The following PPP2R2C variants were observed in gnomAD, a reference collection of about 807,000 sequenced individuals.
The protein encoded by PPP2R2C is protein phosphatase 2, regulatory subunit B, gamma.
PPP2R2C carries 10 observed loss-of-function variants against 45.3 expected under a neutral mutation model. That is an observed-to-expected ratio of 0.22 (90% confidence interval 0.14 to 0.37). The LOEUF (loss-of-function observed/expected upper bound fraction) is 0.37, where lower values mean the gene tolerates loss of function less well. PPP2R2C is among the 10% of genes least tolerant of loss of function. The pLI is 1.00. For synonymous variants in PPP2R2C, 257 were observed against 245.4 expected (o/e 1.05, Z -0.44); for missense variants, 308 against 619.7 (o/e 0.50, Z 5.34).
chr4:6,365,353 A>G (rs1560483908), intron 5 of PPP2R2C, among the ~76,000 whole-genome samples: 1 of 152,176 alleles, frequency 6.6e-6, no homozygotes, highest in Non-Finnish European at 1.5e-5. Flanking sequence ...CTTCTCTGTA[A>G]ATTAGCACCA....
At chr4:6,551,368 G>A (rs771743228) in intron 1 of PPP2R2C, among the ~76,000 whole-genome samples, 3 of 152,212 alleles carry the variant, frequency 2.0e-5, no homozygotes, top group East Asian at 1.9e-4. Flanking sequence ...GTGGCATGGA[G>A]AACAAAGCCA....
At chr4:6,481,928 G>A (rs181561330) in intron 2 of PPP2R2C, among the ~76,000 whole-genome samples, 522 of 135,884 alleles carry the variant, frequency 3.8e-3, no homozygotes, top group Non-Finnish European at 6.0e-3. Context: ...GCAGTGAGCC[G>A]AGATCGCACC....
intron 2 of PPP2R2C, among the ~76,000 whole-genome samples, chr4:6,533,958 AAC>A (rs200538032): frequency 0.061 from 9,286 of 151,500 alleles, 964 homozygotes; most frequent in African/African-American, 0.21. Context: ...ACCACACAGC[AAC>A]ACACACACAC....
In PPP2R2C at chr4:6,330,613, C is replaced by T. The variant is rs1372774663; in HGVS notation, c.961-1260G>A. On this transcript the variant is annotated intron_variant, in intron 7 of 8. Transcript: ENST00000382599. The surrounding 1 kb of genome is among the most constrained non-coding windows in gnomAD (Gnocchi z 7.0). ...TAGTCACTCTCCCCTGGGTCACCAG[C>T]CTGCCCGCCTGCTCTGCAGATTTAG... is the stretch of plus-strand genomic sequence containing the variant. Among the ~76,000 whole-genome samples the T allele has an allele frequency of 6.6e-6, 1 of 152,162 alleles. No homozygotes were observed. The highest frequency in any genetic ancestry group is 1.5e-5 in the Non-Finnish European group (1 of 68,022).
chr4:6,455,636 C>T lies in PPP2R2C; in HGVS notation c.70+16524G>A, dbSNP rs183574587. 2.7e-3 allele frequency among the ~76,000 whole-genome samples: 406 copies of T among 152,266 alleles called. 6 individuals are homozygous for T. In the Middle Eastern group the frequency reaches 0.061, roughly 23 times the overall value. ...ACCTCTGCTGGAAGTGCTCACACTC[C>T]CTCTGAGCCCCCTACTCTCCTTTCC... On this transcript the variant is annotated intron_variant, in intron 1 of 8. Transcript: ENST00000382599.
At chr4:6,512,539 G>GTGA in intron 2 of PPP2R2C, among the ~76,000 whole-genome samples, 1 of 58,348 alleles carries the variant, frequency 1.7e-5, no homozygotes, top group East Asian at 2.7e-3. Context: ...GATGGTGATG[G>GTGA]TGGTGATGGT....
At chr4:6,438,027 AAAG>A (rs1389265756) in intron 1 of PPP2R2C, among the ~76,000 whole-genome samples, 1 of 152,222 alleles carries the variant, frequency 6.6e-6, no homozygotes, top group Non-Finnish European at 1.5e-5. Flanking sequence ...TCTGGAGGGC[AAAG>A]AAGAGTGGTT....
chr4:6,528,259 G>A (rs559428962), intron 2 of PPP2R2C, among the ~76,000 whole-genome samples: 276 of 152,366 alleles, frequency 1.8e-3, no homozygotes, highest in Non-Finnish European at 3.2e-3. Context: ...CTTGTGCGGG[G>A]AGCTGGGGTG....
chr4:6,373,935 A>G (rs1433340650), intron 4 of PPP2R2C, among the ~76,000 whole-genome samples: 2 of 144,618 alleles, frequency 1.4e-5, no homozygotes, highest in Non-Finnish European at 3.1e-5. Context: ...GTGTGCACGC[A>G]GCACCGGTGT....
At chr4:6,390,944 G>A (rs1679481081) in intron 1 of PPP2R2C, among the ~76,000 whole-genome samples, 1 of 152,206 alleles carries the variant, frequency 6.6e-6, no homozygotes, top group Admixed American at 6.5e-5. Flanking sequence ...GAACTTGGTG[G>A]AGATGGGGCA....
In PPP2R2C at chr4:6,330,535, C is replaced by G. The variant is rs916077800; in HGVS notation, c.961-1182G>C. Among the ~76,000 whole-genome samples the G allele has an allele frequency of 6.6e-6, 1 of 152,148 alleles. No homozygotes were observed. Among genetic ancestry groups the G allele is most frequent in the Non-Finnish European group, 1.5e-5 (1 of 68,028 alleles). Reference sequence around the variant, plus strand: ...GTCGAAGGCCCTGATAGAACAAAGACAGACCTCCCTGAGGACCGGGGGATT... The same window carrying G: ...GTCGAAGGCCCTGATAGAACAAAGAGAGACCTCCCTGAGGACCGGGGGATT... On this transcript the variant is annotated intron_variant, in intron 7 of 8. Coordinates refer to ENST00000382599, the MANE Select transcript of PPP2R2C (RefSeq NM_020416.4). This position sits in a 1 kb window ranked among gnomAD's most constrained non-coding sequence, Gnocchi z 7.0.
At chr4:6,506,743 T>A (rs1723248258) in intron 2 of PPP2R2C, among the ~76,000 whole-genome samples, 1 of 152,212 alleles carries the variant, frequency 6.6e-6, no homozygotes, top group Non-Finnish European at 1.5e-5. Context: ...TTGGTGTTCC[T>A]CATGAAGTTG....
chr4:6,526,252 A>G (rs986428518), intron 2 of PPP2R2C, among the ~76,000 whole-genome samples: 9 of 152,214 alleles, frequency 5.9e-5, no homozygotes, highest in African/African-American at 7.2e-5. Flanking sequence ...GAATACATAT[A>G]CTTAGCTAAC....
At chr4:6,529,235 G>C (rs1046619631) in intron 2 of PPP2R2C, among the ~76,000 whole-genome samples, 3 of 152,232 alleles carry the variant, frequency 2.0e-5, no homozygotes, top group Non-Finnish European at 2.9e-5. Flanking sequence ...TCAAGGAAGC[G>C]ACGCAGGAGC....
intron 1 of PPP2R2C, among the ~76,000 whole-genome samples, chr4:6,388,564 G>A (rs1269155038): frequency 6.6e-6 from 1 of 152,178 alleles, no homozygotes; most frequent in East Asian, 1.9e-4. Context: ...ATACAGGGAG[G>A]AGGCCATGGG....
intron 2 of PPP2R2C, among the ~76,000 whole-genome samples, chr4:6,499,701 T>C (rs4432825): frequency 0.33 from 49,947 of 151,268 alleles, 8,516 homozygotes; most frequent in Middle Eastern, 0.36. Flanking sequence ...TATATAAAAA[T>C]TTGTAATATT....
intron 2 of PPP2R2C, among the ~76,000 whole-genome samples, chr4:6,529,851 C>T (rs13143875): frequency 0.018 from 2,757 of 152,260 alleles, 38 homozygotes; most frequent in Non-Finnish European, 0.029. Flanking sequence ...CTTGGGAAGG[C>T]CTCCCATGAC....
chr4:6,337,185 A>G (rs1733047726), intron 6 of PPP2R2C, among the ~76,000 whole-genome samples: 1 of 120,008 alleles, frequency 8.3e-6, no homozygotes, highest in South Asian at 3.0e-4. Flanking sequence ...TTGTTAAGCC[A>G]AAGAAGGATC....
chr4:6,361,686 G>C (rs12647559), intron 5 of PPP2R2C, among the ~76,000 whole-genome samples: 83,369 of 152,114 alleles, frequency 0.55, 26,104 homozygotes, highest in East Asian at 0.72. Context: ...CCCCTGGGAG[G>C]ACTAGGAGGG....
Sources: gnomAD v4.1 joint callset for allele counts (sites outside exome capture counted in the v4.1 genomes callset) on GRCh38, gnomAD v4.1.1 for gene constraint, Gnocchi (gnomAD v3.1) non-coding constraint, MANE v1.5 for transcripts, NCBI Gene and HGNC (gene_info 2026-07-23, HGNC 2026-07-21) for gene names.